DLG1: variants seen among roughly 807,000 people sequenced by gnomAD.
DLG1 encodes the protein disks large homolog 1.
DLG1 carries 42 observed loss-of-function variants against 123.4 expected under a neutral mutation model. That is an observed-to-expected ratio of 0.34 (90% CI 0.27 to 0.44). The LOEUF (loss-of-function observed/expected upper bound fraction) is 0.44. Ranked by LOEUF, DLG1 falls within the 20% of genes least tolerant of loss-of-function variation. The pLI, the probability that DLG1 is intolerant of heterozygous loss-of-function variation, is 1.00. For missense variants in DLG1, 942 were observed against 1,082.6 expected, an observed-to-expected ratio of 0.87 and a Z score of 1.82; for synonymous variants, 317 against 356.2, an observed-to-expected ratio of 0.89 and a Z score of 1.24.
chr3:197,069,290 A>G lies in DLG1; in HGVS notation c.2006-30T>C. Reference sequence around the variant, plus strand: ...AATTGCAGGACAATGAAAAAAAATAAAACAGTGTCATGAGTTTAAAAAGCA... The same window carrying G: ...AATTGCAGGACAATGAAAAAAAATAGAACAGTGTCATGAGTTTAAAAAGCA... On this transcript the variant is annotated intron_variant, in intron 18 of 24. Coordinates refer to ENST00000667157, the MANE Select transcript of DLG1 (RefSeq NM_001366207.1). 4 of 1,523,134 alleles carry G rather than the reference A, an allele frequency of 2.6e-6. 1 individual carries two copies. The African/African-American group carries it at 5.5e-5, about 21-fold the overall frequency. The allele number at this position is 1,523,134 out of a possible 1,614,324, so 94.4% of individuals were successfully genotyped here. A position where few individuals can be genotyped will look rare whatever the true frequency, so the allele number is the denominator to read the frequency against.
chr3:197,054,748 G>A (rs941466453), intron 23 of DLG1, among the ~76,000 whole-genome samples: 9 of 152,000 alleles, frequency 5.9e-5, no homozygotes, highest in Non-Finnish European at 1.0e-4. Flanking sequence ...AGGCTCAAGA[G>A]ATCCTCCCAC....
chr3:197,109,348 AGAGT>A (rs1290956400), intron 13 of DLG1, among the ~76,000 whole-genome samples: 1 of 152,242 alleles, frequency 6.6e-6, no homozygotes, highest in East Asian at 1.9e-4. Context: ...CCTGGGGGAC[AGAGT>A]GAGATGCTGC....
At chr3:197,203,404 GA>G in intron 4 of DLG1, among the ~76,000 whole-genome samples, 1 of 152,160 alleles carries the variant, frequency 6.6e-6, no homozygotes, top group East Asian at 1.9e-4. Context: ...TAGGTTTTCT[GA>G]AAGTCAAAAG....
intron 7 of DLG1, among the ~76,000 whole-genome samples, 164 bp from the exon 8 acceptor site, chr3:197,140,428 G>A (rs1414322965): frequency 6.6e-6 from 1 of 152,190 alleles, no homozygotes; most frequent in East Asian, 1.9e-4. Flanking sequence ...TTGTTCTGGA[G>A]GAAAGTCCTT....
chr3:197,227,066 T>C (rs1163971643), intron 4 of DLG1, among the ~76,000 whole-genome samples: 1 of 152,234 alleles, frequency 6.6e-6, no homozygotes, highest in Non-Finnish European at 1.5e-5. Context: ...AAATACTAAA[T>C]AACACACAAA....
intron 4 of DLG1, among the ~76,000 whole-genome samples, chr3:197,197,225 A>C (rs1723010800): frequency 6.6e-6 from 1 of 152,202 alleles, no homozygotes; most frequent in African/African-American, 2.4e-5. Context: ...GCAACAACTT[A>C]ATTAATCTCA....
intron 4 of DLG1, among the ~76,000 whole-genome samples, chr3:197,236,378 CA>C (rs1384798755): frequency 6.6e-6 from 1 of 152,008 alleles, no homozygotes; most frequent in Non-Finnish European, 1.5e-5. Flanking sequence ...GAGAATTCAT[CA>C]CCAGAAGAAA....
At chr3:197,162,028 C>T (rs1309256788) in intron 5 of DLG1, among the ~76,000 whole-genome samples, 1 of 152,148 alleles carries the variant, frequency 6.6e-6, no homozygotes, top group African/African-American at 2.4e-5. Context: ...CCTTCCTTCT[C>T]TGGGAGATAA....
intron 24 of DLG1, among the ~76,000 whole-genome samples, chr3:197,048,675 G>A (rs540844630): frequency 6.6e-6 from 1 of 152,246 alleles, no homozygotes; most frequent in South Asian, 2.1e-4. Flanking sequence ...TTATTTTTGA[G>A]ACAGAGTTTC....
chr3:197,210,245 T>TA (rs200692787), intron 4 of DLG1, among the ~76,000 whole-genome samples: 26,737 of 105,656 alleles, frequency 0.25, 4,331 homozygotes, highest in African/African-American at 0.31. Flanking sequence ...TGAGAAGCTA[T>TA]AAAAAAAAAA....
At chr3:197,120,627 C>T (rs1351434744) in intron 11 of DLG1, among the ~76,000 whole-genome samples, 4 of 152,170 alleles carry the variant, frequency 2.6e-5, no homozygotes, top group African/African-American at 9.7e-5. Flanking sequence ...AGGGAAGCAG[C>T]ATACTACGCA....
chr3:197,101,905 A>G (rs1254004557), intron 14 of DLG1, among the ~76,000 whole-genome samples: 3 of 152,042 alleles, frequency 2.0e-5, no homozygotes, highest in South Asian at 2.1e-4. Flanking sequence ...ACTACCACGC[A>G]TGGCTAATTA....
chr3:197,178,695 A>G (rs1202174383), intron 5 of DLG1, among the ~76,000 whole-genome samples: 1 of 152,200 alleles, frequency 6.6e-6, no homozygotes, highest in African/African-American at 2.4e-5. Flanking sequence ...AGGCTGGTAG[A>G]ATATTAAAAG....
intron 5 of DLG1, among the ~76,000 whole-genome samples, chr3:197,164,115 G>A (rs1034750570): frequency 9.9e-5 from 15 of 152,024 alleles, no homozygotes; most frequent in African/African-American, 3.6e-4. Context: ...AACTTGGCCA[G>A]GCACAGTGGT....
chr3:197,281,000 T>C (rs1050642115), intron 4 of DLG1, among the ~76,000 whole-genome samples: 1 of 150,280 alleles, frequency 6.7e-6, no homozygotes, highest in African/African-American at 2.5e-5. Flanking sequence ...TAAGCTAACA[T>C]GCTAAACTTT....
chr3:197,192,839 C>G (rs73086569), intron 5 of DLG1, among the ~76,000 whole-genome samples: 22,007 of 151,298 alleles, frequency 0.15, 2,279 homozygotes, highest in African/African-American at 0.29. Context: ...ACACTTTTGG[C>G]AAGAATGGTG....
At chr3:197,270,757 A>G (rs1010593831) in intron 4 of DLG1, among the ~76,000 whole-genome samples, 4 of 152,156 alleles carry the variant, frequency 2.6e-5, no homozygotes, top group Admixed American at 6.5e-5. Flanking sequence ...CAGCACCACA[A>G]GAGCAACAAC....
chr3:197,245,842 G>T (rs562969009), intron 4 of DLG1, among the ~76,000 whole-genome samples: 6 of 134,124 alleles, frequency 4.5e-5, no homozygotes, highest in Non-Finnish European at 9.3e-5. Context: ...TTATTCCCTC[G>T]TCTTTTAAAA....
At chr3:197,061,192 A>C (rs907428994) in intron 22 of DLG1, among the ~76,000 whole-genome samples, 3 of 152,254 alleles carry the variant, frequency 2.0e-5, no homozygotes, top group African/African-American at 7.2e-5. Context: ...TAAAAAATTT[A>C]ATACTGTAAA....
Sources: allele counts gnomAD v4.1 joint callset (sites outside exome capture counted in the v4.1 genomes callset), GRCh38; gene constraint gnomAD v4.1.1; transcripts MANE v1.5; gene names NCBI Gene and HGNC (gene_info 2026-07-23, HGNC 2026-07-21).